CSMD1: variants seen among roughly 807,000 people sequenced by gnomAD.
CSMD1 encodes the protein CUB and Sushi multiple domains 1.
A neutral mutation model predicts 417.5 loss-of-function variants in CSMD1; 213 were observed. That is an observed-to-expected ratio of 0.51 (90% CI 0.46 to 0.57). CSMD1 has a LOEUF of 0.57. Ranked by LOEUF, CSMD1 falls within the 20% of genes least tolerant of loss-of-function variation. The pLI is 0.00. For missense variants in CSMD1, 6,923 were observed against 4,529.7 expected (o/e 1.53, Z -15.17); for synonymous variants, 2,862 against 1,736.8 (o/e 1.65, Z -16.11).
chr8:3,794,514 G>C (rs927672974), intron 5 of CSMD1, among the ~76,000 whole-genome samples: 1 of 151,998 alleles, frequency 6.6e-6, no homozygotes, highest in African/African-American at 2.4e-5. Context: ...ATTGTATTGT[G>C]TGTTATAATA....
At chr8:3,282,108 A>T (rs1450335160) in intron 26 of CSMD1, among the ~76,000 whole-genome samples, 2 of 152,198 alleles carry the variant, frequency 1.3e-5, no homozygotes, top group Admixed American at 6.5e-5. Context: ...TTTTCTTGAT[A>T]AATTACCCAG....
chr8:4,603,538 A>C (rs1016831843), intron 2 of CSMD1, among the ~76,000 whole-genome samples: 5 of 152,140 alleles, frequency 3.3e-5, no homozygotes, highest in Admixed American at 3.3e-4. Flanking sequence ...AAATAAAAGG[A>C]AAGAAAACCA....
intron 1 of CSMD1, among the ~76,000 whole-genome samples, chr8:4,824,203 C>T (rs1585162852): frequency 6.6e-6 from 1 of 151,926 alleles, no homozygotes; most frequent in African/African-American, 2.4e-5. Context: ...CATTCTCTAC[C>T]TATAACATGT....
chr8:4,877,454 T>G (rs370703889), intron 1 of CSMD1, among the ~76,000 whole-genome samples: 6 of 152,064 alleles, frequency 3.9e-5, no homozygotes, highest in Non-Finnish European at 5.9e-5. Context: ...AAACACCAGA[T>G]GTTATAAAGT....
chr8:3,056,275 C>T (rs1335936978), intron 49 of CSMD1, among the ~76,000 whole-genome samples: 1 of 152,204 alleles, frequency 6.6e-6, no homozygotes, highest in Non-Finnish European at 1.5e-5. Context: ...ACCTTTAATA[C>T]CACAAACCCC....
intron 50 of CSMD1, among the ~76,000 whole-genome samples, chr8:3,035,206 C>A (rs1407368146): frequency 1.3e-5 from 2 of 152,256 alleles, no homozygotes; most frequent in Admixed American, 6.5e-5. Context: ...ACTCCCCAGT[C>A]CCCCACCATC....
chr8:3,357,994 G>C (rs1808905809), intron 21 of CSMD1, among the ~76,000 whole-genome samples: 1 of 152,076 alleles, frequency 6.6e-6, no homozygotes, highest in African/African-American at 2.4e-5. Flanking sequence ...CAGAAATATA[G>C]CTTTATCATT....
At chr8:3,458,361 T>A (rs1205387465) in intron 12 of CSMD1, among the ~76,000 whole-genome samples, 1 of 152,194 alleles carries the variant, frequency 6.6e-6, no homozygotes, top group Non-Finnish European at 1.5e-5. Context: ...AATCTGTGCT[T>A]ATAATTCATT....
chr8:4,587,500 T>C (rs1251247952), intron 2 of CSMD1, among the ~76,000 whole-genome samples: 2 of 152,042 alleles, frequency 1.3e-5, no homozygotes, highest in Non-Finnish European at 2.9e-5. Flanking sequence ...TATGTATATA[T>C]ATATGCACAC....
intron 3 of CSMD1, among the ~76,000 whole-genome samples, chr8:4,288,389 T>C (rs1287227813): frequency 6.6e-6 from 1 of 152,188 alleles, no homozygotes; most frequent in Non-Finnish European, 1.5e-5. Flanking sequence ...CTTACAAGAA[T>C]GACCTACAAA....
intron 3 of CSMD1, among the ~76,000 whole-genome samples, chr8:4,254,992 G>A (rs1186282239): frequency 6.6e-6 from 1 of 152,182 alleles, no homozygotes; most frequent in Non-Finnish European, 1.5e-5. Flanking sequence ...ACTAAATCCA[G>A]AAGATCACTC....
chr8:4,315,276 G>C (rs969384265), intron 3 of CSMD1, among the ~76,000 whole-genome samples: 1 of 152,160 alleles, frequency 6.6e-6, no homozygotes, highest in South Asian at 2.1e-4. Flanking sequence ...TATGAAAACT[G>C]AGACAGTATG....
At chr8:4,140,427 A>G (rs34308741) in intron 3 of CSMD1, among the ~76,000 whole-genome samples, 45,174 of 150,524 alleles carry the variant, frequency 0.3, 8,412 homozygotes, top group Non-Finnish European at 0.39. Flanking sequence ...GAACCTGGGA[A>G]GTGGAGGTTG....
intron 1 of CSMD1, among the ~76,000 whole-genome samples, chr8:4,667,549 T>C (rs1384986865): frequency 3.9e-5 from 6 of 152,150 alleles, no homozygotes; most frequent in African/African-American, 1.4e-4. Context: ...TATTAGTGTA[T>C]TGTAGTTCAA....
At chr8:3,027,840 C>T (rs1563253798) in intron 51 of CSMD1, among the ~76,000 whole-genome samples, 1 of 152,220 alleles carries the variant, frequency 6.6e-6, no homozygotes, top group Non-Finnish European at 1.5e-5. Flanking sequence ...AGAGCTCTAC[C>T]TTTGCTTTCT....
intron 26 of CSMD1, among the ~76,000 whole-genome samples, chr8:3,283,727 G>A (rs1584927433): frequency 1.3e-5 from 2 of 152,198 alleles, no homozygotes; most frequent in South Asian, 4.1e-4. Flanking sequence ...TGAAGACATA[G>A]ACACACAGGG....
chr8:3,144,463 A>T (rs1194856832), intron 40 of CSMD1, among the ~76,000 whole-genome samples: 1 of 152,170 alleles, frequency 6.6e-6, no homozygotes, highest in Non-Finnish European at 1.5e-5. Context: ...AAAGATCTTT[A>T]ATAATTTAAG....
chr8:3,717,167 G>A (rs905791746), intron 6 of CSMD1, among the ~76,000 whole-genome samples: 2 of 151,942 alleles, frequency 1.3e-5, no homozygotes, highest in South Asian at 2.1e-4. Context: ...TATTTTCGTC[G>A]ATAATTATTA....
intron 41 of CSMD1, among the ~76,000 whole-genome samples, chr8:3,140,207 G>T (rs997701132): frequency 6.6e-6 from 1 of 152,068 alleles, no homozygotes; most frequent in Non-Finnish European, 1.5e-5. Flanking sequence ...ACCCAGCCCC[G>T]ATTACCCTTA....
Sources: gnomAD v4.1 joint callset for allele counts (sites outside exome capture counted in the v4.1 genomes callset) on GRCh38, gnomAD v4.1.1 for gene constraint, MANE v1.5 for transcripts, NCBI Gene and HGNC (gene_info 2026-07-23, HGNC 2026-07-21) for gene names.